Variants in DCDC1 observed in about 807,000 individuals in gnomAD.
DCDC1 encodes the protein doublecortin domain-containing protein 1.
Under a neutral mutation model 178.3 loss-of-function variants are expected in DCDC1, and 200 were observed. The ratio of observed to expected loss-of-function variants is 1.12; its 90% CI spans 1.00 to 1.26. The LOEUF is 1.26. Ranked by LOEUF, DCDC1 falls within the 50% of genes most tolerant of loss-of-function variation. The probability of loss-of-function intolerance (pLI) is 0.00; values close to 1 mark genes in which losing one functional copy is unlikely to be tolerated. For missense variants in DCDC1, 1,983 were observed against 1,749.2 expected (o/e 1.13, Z -2.38); for synonymous variants, 690 against 604.8 (o/e 1.14, Z -2.07).
chr11:31,349,657 G>A (rs756485746), intron 1 of DCDC1, among the ~76,000 whole-genome samples: 48 of 152,020 alleles, frequency 3.2e-4, no homozygotes, highest in Non-Finnish European at 5.3e-4. Flanking sequence ...TAGTCTTTAT[G>A]ATTTTACAGA....
intron 2 of DCDC1, among the ~76,000 whole-genome samples, chr11:31,330,276 C>A (rs1441954631): frequency 6.6e-6 from 1 of 152,062 alleles, no homozygotes; most frequent in African/African-American, 2.4e-5. Flanking sequence ...TGCTTAAGTT[C>A]TTTGTAGATT....
At chr11:31,215,978 C>A (rs1240732101) in intron 9 of DCDC1, among the ~76,000 whole-genome samples, 1 of 152,126 alleles carries the variant, frequency 6.6e-6, no homozygotes, top group Non-Finnish European at 1.5e-5. Context: ...CCATGCAGAG[C>A]CAAGGAGCAT....
intron 20 of DCDC1, among the ~76,000 whole-genome samples, chr11:30,999,745 A>G (rs1372948047): frequency 1.3e-5 from 2 of 152,172 alleles, no homozygotes; most frequent in African/African-American, 4.8e-5. Context: ...GAGAAAGGGG[A>G]GAGCTTATAT....
Position 31,102,242 on chromosome 11 carries a change from T to C in DCDC1, c.1918A>G (p.Thr640Ala). 1.4e-6 allele frequency: 1 copy of C among 734,746 alleles called. No individual in the cohort carries two copies. Among genetic ancestry groups the C allele is most frequent in the South Asian group, 1.4e-5 (1 of 69,084 alleles). 45.5% of individuals were successfully genotyped at this position (734,746 alleles called of 1,614,324 possible). ...AACTGGTCAGGTATCTGTTGACTGG[T>C]ACAGTTGAAATTAATTGGAAATCCC... is the stretch of plus-strand genomic sequence containing the variant. ...CEGFPINFNC[T>A]SQQIPDQFEK... Residue 640 changes from threonine to alanine, a missense_variant, in exon 15 of 39, where the codon ACC becomes GCC. Physicochemically the swap from Thr to Ala is moderately conservative, Grantham distance 58 (BLOSUM62 0). Transcript: ENST00000684477.
chr11:31,258,887 A>G (rs970949366), intron 8 of DCDC1, among the ~76,000 whole-genome samples: 10 of 152,166 alleles, frequency 6.6e-5, no homozygotes, highest in African/African-American at 2.4e-4. Context: ...GACATTGATC[A>G]CCCTCAGTTG....
At chr11:31,134,072 T>C (rs1420730162) in intron 10 of DCDC1, among the ~76,000 whole-genome samples, 1 of 152,186 alleles carries the variant, frequency 6.6e-6, no homozygotes, top group African/African-American at 2.4e-5. Context: ...GAGGTAGATC[T>C]AACCTATTTT....
intron 20 of DCDC1, among the ~76,000 whole-genome samples, chr11:30,957,419 G>A (rs1948831979): frequency 6.6e-6 from 1 of 152,036 alleles, no homozygotes; most frequent in Admixed American, 6.5e-5. Flanking sequence ...TGCCTCATCA[G>A]GGTTTTTACA....
rs763158926 is a variant in DCDC1 at position 31,306,261 on chromosome 11, C to A, written c.562G>T (p.Ala188Ser). 3.1e-6 allele frequency: 5 copies of A among 1,598,592 alleles called. No individual in the cohort carries two copies. In the African/African-American group the frequency reaches 6.7e-5, roughly 22 times the overall value. Residue 188 changes from alanine to serine, a missense_variant, in exon 5 of 39, where the codon GCC becomes TCC. Ala to Ser is a moderately conservative substitution (Grantham distance 99). Coordinates refer to ENST00000684477, the MANE Select transcript of DCDC1 (RefSeq NM_001387274.1). ...AYKNGSRTVF[A>S]RVTVPTITLL... is the part of the protein sequence containing the mutation. ...GTGATGGTTGGTACAGTAACTCTGG[C>A]AAAGACTGTTCTAGATCCATTTTTG... is the stretch of plus-strand genomic sequence containing the variant.
At chr11:31,365,621 G>A (rs898235377) in intron 1 of DCDC1, among the ~76,000 whole-genome samples, 1 of 152,066 alleles carries the variant, frequency 6.6e-6, no homozygotes, top group Non-Finnish European at 1.5e-5. Flanking sequence ...TCTGGTAGAC[G>A]TTAGTTTACG....
At chr11:31,181,561 T>C (rs1162763800) in intron 9 of DCDC1, among the ~76,000 whole-genome samples, 1 of 152,216 alleles carries the variant, frequency 6.6e-6, no homozygotes, top group African/African-American at 2.4e-5. Flanking sequence ...CCGCTGGTGA[T>C]ACCCAGGCAA....
At chr11:30,936,768 T>C (rs534227928) in intron 21 of DCDC1, among the ~76,000 whole-genome samples, 5 of 152,256 alleles carry the variant, frequency 3.3e-5, no homozygotes, top group African/African-American at 1.2e-4. Flanking sequence ...GGAAGATGTC[T>C]GGGAACAGAC....
rs772499561 is a variant in DCDC1, at chr11:30,892,831, T to C, written c.5069A>G (p.Lys1690Arg). Residue 1690 changes from lysine to arginine, a missense_variant, in exon 36 of 39, where the codon AAA (lysine) becomes AGA (arginine). Lys to Arg is a conservative substitution (Grantham distance 26). Transcript: ENST00000684477. The stretch of plus-strand genomic sequence containing the variant: ...CACTAGATTTACCTCTGAAATAGTT[T>C]TGCCCCAGGCATAAGTGCCATCTTC... ...RPEDGTYAWG[K>R]TISELLQDCS... The C allele has an allele frequency of 6.2e-6, 10 of 1,613,924 alleles. No individual in the cohort carries two copies. The highest frequency in any genetic ancestry group is 7.6e-6 in the Non-Finnish European group (9 of 1,179,824).
At chr11:31,354,529 C>T (rs1367503451) in intron 1 of DCDC1, among the ~76,000 whole-genome samples, 1 of 152,272 alleles carries the variant, frequency 6.6e-6, no homozygotes, top group South Asian at 2.1e-4. Context: ...GGTAATTATA[C>T]AGCTTAGTTT....
At chr11:31,353,083 T>G (rs1401592645) in intron 1 of DCDC1, among the ~76,000 whole-genome samples, 4 of 152,254 alleles carry the variant, frequency 2.6e-5, no homozygotes, top group Non-Finnish European at 5.9e-5. Flanking sequence ...CTGAATATAT[T>G]GTTTCTTTGA....
intron 20 of DCDC1, among the ~76,000 whole-genome samples, chr11:31,040,701 A>G (rs1052682351): frequency 9.2e-5 from 14 of 152,248 alleles, no homozygotes; most frequent in Non-Finnish European, 2.1e-4. Context: ...TGTTGGTGCT[A>G]AAATACAAGG....
intron 10 of DCDC1, among the ~76,000 whole-genome samples, chr11:31,130,841 G>T (rs1962337187): frequency 6.6e-6 from 1 of 151,894 alleles, no homozygotes; most frequent in Non-Finnish European, 1.5e-5. Flanking sequence ...AATACAGGGA[G>T]GTCAGGAGGA....
rs1946864071 is a variant in DCDC1, at chr11:31,286,691, T to C, written c.960+3956A>G. 3.9e-5 allele frequency among the ~76,000 whole-genome samples: 6 copies of C among 151,988 alleles called. No homozygotes were observed. In the South Asian group the frequency reaches 1.2e-3, roughly 32 times the overall value. On this transcript the variant is annotated intron_variant, in intron 7 of 38. Transcript: ENST00000684477. Reference sequence around the variant, plus strand: ...TTGTATTGCAGTACCCCAAAAAGGCTCATAAATTTGAGATATCAGGTACCT... The same window carrying C: ...TTGTATTGCAGTACCCCAAAAAGGCCCATAAATTTGAGATATCAGGTACCT...
At chr11:31,000,642 A>G (rs1285712000) in intron 20 of DCDC1, among the ~76,000 whole-genome samples, 1 of 152,118 alleles carries the variant, frequency 6.6e-6, no homozygotes, top group Non-Finnish European at 1.5e-5. Context: ...TGATTGCAGA[A>G]CATGCTACAT....
At chr11:31,014,797 C>T (rs770404212) in intron 20 of DCDC1, among the ~76,000 whole-genome samples, 1 of 152,094 alleles carries the variant, frequency 6.6e-6, no homozygotes, top group Non-Finnish European at 1.5e-5. Context: ...CCAAGCACTA[C>T]TTTTAAGGGA....
Sources: gnomAD v4.1 joint callset for allele counts (sites outside exome capture counted in the v4.1 genomes callset) on GRCh38, gnomAD v4.1.1 for gene constraint, MANE v1.5 for transcripts, NCBI Gene and HGNC (gene_info 2026-07-23, HGNC 2026-07-21) for gene names.